ENTPD6: variants seen among roughly 807,000 people sequenced by gnomAD.
The protein encoded by ENTPD6 is ectonucleoside triphosphate diphosphohydrolase 6, also known as CD39 antigen-like 2.
In ENTPD6, 46 loss-of-function variants were observed where a neutral mutation model predicts 61.5. The ratio of observed to expected loss-of-function variants is 0.75; its 90% CI spans 0.59 to 0.96. The LOEUF (loss-of-function observed/expected upper bound fraction) is 0.96. Among genes scored for constraint, ENTPD6 ranks in the 40% least tolerant of loss-of-function variants. ENTPD6 has a pLI of 0.00. For synonymous variants in ENTPD6, 252 were observed against 255.5 expected (o/e 0.99, Z 0.13); for missense variants, 612 against 629.0 (o/e 0.97, Z 0.29).
chr20:25,224,890 T>G, intron 13 of ENTPD6: 2 of 378,522 alleles, frequency 5.3e-6, no homozygotes, highest in Non-Finnish European at 9.5e-6. Context: ...AAAGCTTAGG[T>G]TTTATGCAGC....
intron 1 of ENTPD6, among the ~76,000 whole-genome samples, chr20:25,206,205 C>G (rs1200595986): frequency 6.6e-6 from 1 of 152,208 alleles, no homozygotes; most frequent in East Asian, 1.9e-4. Flanking sequence ...GGTGCCACTT[C>G]CAGCCCGGCA....
At chr20:25,223,030 G>T (rs911936685) in intron 12 of ENTPD6, 52 bp downstream of exon 12, 3 of 1,471,164 alleles carry the variant, frequency 2.0e-6, no homozygotes, top group East Asian at 2.4e-5. Flanking sequence ...CAGGGGGCGG[G>T]GGTGGAGGGC....
chr20:25,196,586 C>G (rs912463938), intron 1 of ENTPD6, among the ~76,000 whole-genome samples: 1 of 152,200 alleles, frequency 6.6e-6, no homozygotes, highest in African/African-American at 2.4e-5. Flanking sequence ...CTGGGCAGCT[C>G]TGGGTGTCCC....
chr20:25,207,601 A>C (rs1208926392), intron 3 of ENTPD6, among the ~76,000 whole-genome samples: 15 of 152,148 alleles, frequency 9.9e-5, no homozygotes, highest in African/African-American at 3.6e-4. Flanking sequence ...GACCATGCTG[A>C]AGGGCAGCTG....
chr20:25,198,884 C>T (rs1043723606), intron 1 of ENTPD6, among the ~76,000 whole-genome samples: 16 of 152,194 alleles, frequency 1.1e-4, no homozygotes, highest in Non-Finnish European at 1.6e-4. Flanking sequence ...ACTGATGTCC[C>T]GCTGGCATAT....
At chr20:25,209,387 G>T (rs546693945) in intron 3 of ENTPD6, among the ~76,000 whole-genome samples, 78 of 151,870 alleles carry the variant, frequency 5.1e-4, no homozygotes, top group African/African-American at 1.7e-3. Context: ...TGGGATTACA[G>T]GCGTGAGCCA....
chr20:25,204,721 A>G (rs1010206286), intron 1 of ENTPD6, among the ~76,000 whole-genome samples: 2 of 152,214 alleles, frequency 1.3e-5, no homozygotes, highest in Admixed American at 6.5e-5. Flanking sequence ...TGTTGCAGAA[A>G]GGTCCGCTCT....
rs546086389 is a variant in ENTPD6, at chr20:25,226,681, A to G, written c.*1084A>G. The G allele has an allele frequency of 2.0e-5, 3 of 152,184 alleles. No homozygotes were observed. The highest frequency in any genetic ancestry group is 4.4e-5 in the Non-Finnish European group (3 of 68,056). The allele number at this position is 152,184 out of a possible 1,614,324, so 9.4% of individuals were successfully genotyped here. A position where few individuals can be genotyped will look rare whatever the true frequency, so the allele number is the denominator to read the frequency against. On this transcript the variant is annotated 3_prime_UTR_variant, in exon 15 of 15. Coordinates refer to ENST00000376652, the MANE Select transcript of ENTPD6 (RefSeq NM_001247.5). ...CAGTGCCCGGCACGAGCTGAACCTC[A>G]TGTGTTCCACTCCCAATAAAAGGTT...
At chr20:25,220,399 T>C (rs2092583342) in intron 10 of ENTPD6, among the ~76,000 whole-genome samples, 1 of 149,518 alleles carries the variant, frequency 6.7e-6, no homozygotes, top group African/African-American at 2.5e-5. Context: ...CCTGCTGGGG[T>C]TCTGGGGGTC....
rs2092111358 is a variant in ENTPD6, at chr20:25,213,407, G to GTGAGCCTGGCCATTCCCCAGTGCCA, written c.597+3_597+27dup. On this transcript the variant is annotated splice_donor_variant, in intron 5 of 14. Transcript: ENST00000376652. LOFTEE classifies it high-confidence loss of function. ...AAAGGCCCAGAAGTTACTGCAGAAGGTGAGCCTGGCCATTCCCCAGTGCCA... is the reference window on the plus strand; with the variant it reads ...AAAGGCCCAGAAGTTACTGCAGAAGGTGAGCCTGGCCATTCCCCAGTGCCATGAGCCTGGCCATTCCCCAGTGCCA... 1 of 1,603,188 alleles carries GTGAGCCTGGCCATTCCCCAGTGCCA rather than the reference G, an allele frequency of 6.2e-7. No homozygotes were observed.
intron 1 of ENTPD6, among the ~76,000 whole-genome samples, chr20:25,203,645 C>A (rs1422751998): frequency 3.9e-5 from 6 of 152,110 alleles, no homozygotes; most frequent in Non-Finnish European, 7.4e-5. Context: ...TTCTTGATTT[C>A]TTTTCATTCT....
Position 25,218,667 on chromosome 20 carries a change from T to C in ENTPD6, c.943+53T>C, listed in dbSNP as rs2092481770. The C allele has an allele frequency of 1.1e-5, 17 of 1,520,164 alleles. No individual in the cohort carries two copies. In the South Asian group the frequency reaches 2.1e-4, roughly 19 times the overall value. 94.2% of individuals were successfully genotyped at this position (1,520,164 alleles called of 1,614,324 possible). On this transcript the variant is annotated intron_variant, in intron 10 of 14. Transcript: ENST00000376652. ...CTTTCACAGCCTCTGCCCTCCATTCTCAGTGGGAACGAGGAGCCCCTCGGG... is the reference window on the plus strand; with the variant it reads ...CTTTCACAGCCTCTGCCCTCCATTCCCAGTGGGAACGAGGAGCCCCTCGGG...
Position 25,224,169 on chromosome 20 carries a change from T to C in ENTPD6, c.1243+12T>C. The C allele has an allele frequency of 3.7e-6, 6 of 1,610,480 alleles. No homozygotes were observed. The highest frequency in any genetic ancestry group is 5.1e-6 in the Non-Finnish European group (6 of 1,178,252). ...CGCAGCCAAGTACGGTGAGTGATGC[T>C]GCAGGGGCCATCTCAGCAGGGGCAG... is the stretch of plus-strand genomic sequence containing the variant. On this transcript the variant is annotated intron_variant, in intron 13 of 14. Transcript: ENST00000376652.
At chr20:25,213,159 A>G in intron 4 of ENTPD6, 104 bp from the exon 5 acceptor site, 1 of 1,334,102 alleles carries the variant, frequency 7.5e-7, no homozygotes, top group Non-Finnish European at 1.1e-6. Context: ...ACACAGTGAG[A>G]CTCTGTCTCC....
chr20:25,197,656 G>A (rs2090600528), intron 1 of ENTPD6, among the ~76,000 whole-genome samples: 1 of 152,200 alleles, frequency 6.6e-6, no homozygotes, highest in Non-Finnish European at 1.5e-5. Context: ...ACAGGTACAT[G>A]GAGATGACCT....
At chr20:25,223,436 G>T (rs1384583522) in intron 12 of ENTPD6, among the ~76,000 whole-genome samples, 1 of 152,250 alleles carries the variant, frequency 6.6e-6, no homozygotes, top group Non-Finnish European at 1.5e-5. Context: ...AGTTTGCTGA[G>T]GCTAGTGGTG....
At position 25,215,705 on chromosome 20, in the gene ENTPD6, C is replaced by G. The variant is rs2092272784; in HGVS notation, c.703C>G (p.Leu235Val). The G allele has an allele frequency of 1.2e-6, 2 of 1,614,246 alleles. No individual in the cohort carries two copies. Among genetic ancestry groups the G allele is most frequent in the South Asian group, 1.1e-5 (1 of 91,088 alleles). The stretch of plus-strand genomic sequence containing the variant: ...TTCGGCGTGGATCACCATCAACTTC[C>G]TGACAGGTGTGTGCACACTGCATCA... Reference protein sequence around the residue: ...GVSAWITINFLTGSLKTPGGS... With the variant: ...GVSAWITINFVTGSLKTPGGS... The change falls in exon 7 of 15, where the codon CTG (leucine) becomes GTG (valine). Residue 235 changes from leucine to valine, a missense_variant. By Grantham distance (32) the Leu-to-Val change is conservative. Transcript: ENST00000376652.
intron 13 of ENTPD6, 40 bp downstream of exon 13, chr20:25,224,197 G>T (rs1178517165): frequency 1.9e-6 from 3 of 1,580,252 alleles, no homozygotes; most frequent in South Asian, 2.3e-5. Flanking sequence ...AGGGGCAGGC[G>T]CCCCGTGATG....
intron 4 of ENTPD6, among the ~76,000 whole-genome samples, chr20:25,212,468 C>T (rs2092035610): frequency 6.6e-6 from 1 of 152,236 alleles, no homozygotes; most frequent in Admixed American, 6.5e-5. Context: ...CTCCCCCTGC[C>T]ATGTTTCACC....
Sources: allele counts gnomAD v4.1 joint callset (sites outside exome capture counted in the v4.1 genomes callset), GRCh38; gene constraint gnomAD v4.1.1; transcripts MANE v1.5; gene names NCBI Gene and HGNC (gene_info 2026-07-23, HGNC 2026-07-21).